The following MTURN variants were observed in gnomAD, a reference collection of about 807,000 sequenced individuals.
The protein encoded by MTURN is maturin, neural progenitor differentiation regulator homolog, also known as maturin.
A neutral mutation model predicts 14.9 loss-of-function variants in MTURN; 7 were observed. The observed-to-expected ratio is 0.47, with a 90% CI of 0.27 to 0.88. The LOEUF is 0.88. Ranked by LOEUF, MTURN falls within the 40% of genes least tolerant of loss-of-function variation. The probability of loss-of-function intolerance (pLI) is 0.14; values close to 1 mark genes in which losing one functional copy is unlikely to be tolerated. For missense variants in MTURN, 151 were observed against 174.1 expected (o/e 0.87, Z 0.75); for synonymous variants, 69 against 72.5 (o/e 0.95, Z 0.25).
At chr7:30,146,367 C>A in intron 2 of MTURN, 68 bp downstream of exon 2, 2 of 1,594,338 alleles carry the variant, frequency 1.3e-6, no homozygotes, top group Non-Finnish European at 1.7e-6. Flanking sequence ...ATAACAGGGG[C>A]GGTGGGGAAG....
chr7:30,139,437 T>G (rs1000484006), intron 1 of MTURN, among the ~76,000 whole-genome samples: 1 of 152,208 alleles, frequency 6.6e-6, no homozygotes, highest in African/African-American at 2.4e-5. Context: ...TATAGCCCTG[T>G]ATTTAATGCA....
At chr7:30,152,488 G>T (rs1238841661) in intron 2 of MTURN, among the ~76,000 whole-genome samples, 1 of 152,186 alleles carries the variant, frequency 6.6e-6, no homozygotes, top group Non-Finnish European at 1.5e-5. Flanking sequence ...GAGACCTGTT[G>T]AATCATCATC....
At chr7:30,139,275 C>T (rs949532047) in intron 1 of MTURN, among the ~76,000 whole-genome samples, 5 of 152,194 alleles carry the variant, frequency 3.3e-5, no homozygotes, top group South Asian at 2.1e-4. Flanking sequence ...ACGCTGCTCT[C>T]GGCACTTTAC....
intron 2 of MTURN, among the ~76,000 whole-genome samples, chr7:30,153,855 C>T (rs1248314046): frequency 6.6e-6 from 1 of 152,136 alleles, no homozygotes; most frequent in Non-Finnish European, 1.5e-5. Context: ...GTAGCTGGGA[C>T]TATAGGCACA....
intron 2 of MTURN, among the ~76,000 whole-genome samples, chr7:30,149,695 C>T (rs1270315398): frequency 1.3e-5 from 2 of 152,222 alleles, no homozygotes; most frequent in Non-Finnish European, 2.9e-5. Flanking sequence ...TTGTTGCTGT[C>T]ATCACAGTTG....
intron 2 of MTURN, among the ~76,000 whole-genome samples, chr7:30,156,065 C>T (rs553310606): frequency 1.3e-5 from 2 of 152,234 alleles, no homozygotes; most frequent in South Asian, 4.1e-4. Flanking sequence ...CATGAAGGCA[C>T]CAGGAGACAG....
chr7:30,156,312 A>G (rs775103451), intron 2 of MTURN, among the ~76,000 whole-genome samples: 1 of 151,766 alleles, frequency 6.6e-6, no homozygotes, highest in Admixed American at 6.6e-5. Context: ...CTTAAAAAAA[A>G]CCTTAAAATT....
chr7:30,146,899 T>C (rs1003431589), intron 2 of MTURN, among the ~76,000 whole-genome samples: 3 of 152,208 alleles, frequency 2.0e-5, no homozygotes, highest in Non-Finnish European at 4.4e-5. Flanking sequence ...AAATGAATGC[T>C]CACTTCTATT....
At chr7:30,151,102 G>T (rs1797204940) in intron 2 of MTURN, among the ~76,000 whole-genome samples, 1 of 152,188 alleles carries the variant, frequency 6.6e-6, no homozygotes, top group Non-Finnish European at 1.5e-5. Flanking sequence ...TCCCTCGAGT[G>T]ACCCACATTC....
At chr7:30,154,145 G>A (rs887494174) in intron 2 of MTURN, among the ~76,000 whole-genome samples, 1 of 152,172 alleles carries the variant, frequency 6.6e-6, no homozygotes, top group African/African-American at 2.4e-5. Context: ...AGCAGCAGGG[G>A]CTGGGCAGGA....
chr7:30,148,823 A>C (rs760067845), intron 2 of MTURN, among the ~76,000 whole-genome samples: 3 of 152,190 alleles, frequency 2.0e-5, no homozygotes, highest in Non-Finnish European at 2.9e-5. Flanking sequence ...AGTTTTGGAC[A>C]TGTCAGTGTT....
In MTURN at chr7:30,135,025, C is replaced by G. The variant is rs948152166; in HGVS notation, c.-112C>G. 1.0e-6 allele frequency: 1 copy of G among 961,262 alleles called. No homozygotes were observed. Among genetic ancestry groups the G allele is most frequent in the Non-Finnish European group, 1.3e-6 (1 of 783,644 alleles). 59.5% of individuals were successfully genotyped at this position (961,262 alleles called of 1,614,324 possible). A position where few individuals can be genotyped will look rare whatever the true frequency, so the allele number is the denominator to read the frequency against. On this transcript the variant is annotated 5_prime_UTR_variant, in exon 1 of 3. Transcript: ENST00000324453. Reference sequence around the variant, plus strand: ...GTAAACAGTCCCAGCCGGCCCAGCCCGGCCCCGGAGGAGCCCGCGCAGGCC... The same window carrying G: ...GTAAACAGTCCCAGCCGGCCCAGCCGGGCCCCGGAGGAGCCCGCGCAGGCC...
intron 1 of MTURN, among the ~76,000 whole-genome samples, chr7:30,143,204 C>T (rs146851762): frequency 1.3e-4 from 20 of 152,256 alleles, no homozygotes; most frequent in African/African-American, 3.4e-4. Flanking sequence ...GACACTACCT[C>T]GTGAGATTGA....
intron 2 of MTURN, among the ~76,000 whole-genome samples, chr7:30,156,110 G>C (rs1797283357): frequency 6.6e-6 from 1 of 152,170 alleles, no homozygotes; most frequent in South Asian, 2.1e-4. Flanking sequence ...CGACAGCTAG[G>C]GTTGTGGCTT....
intron 2 of MTURN, among the ~76,000 whole-genome samples, chr7:30,150,310 G>A (rs1034260742): frequency 1.3e-5 from 2 of 152,166 alleles, no homozygotes; most frequent in Non-Finnish European, 2.9e-5. Flanking sequence ...GATTATTGGT[G>A]GAGAGAGAAA....
intron 1 of MTURN, among the ~76,000 whole-genome samples, chr7:30,135,643 G>T (rs1796940783): frequency 6.6e-6 from 1 of 152,134 alleles, no homozygotes; most frequent in African/African-American, 2.4e-5. Flanking sequence ...GCCTGGCATG[G>T]AGCATCCCTG....
In MTURN at chr7:30,162,379, G is replaced by A. The variant is rs951616757; in HGVS notation, c.*4831G>A. 1 of 152,202 alleles carries A rather than the reference G, an allele frequency of 6.6e-6. No homozygotes were observed. The highest frequency in any genetic ancestry group is 6.6e-5 in the Admixed American group (1 of 15,254). 9.4% of individuals were successfully genotyped at this position (152,202 alleles called of 1,614,324 possible). The stretch of plus-strand genomic sequence containing the variant: ...GAGGAAGTAAATCTTCAATGCTAGG[G>A]CAGATCTTCACTATCCGTGATCCAG... On this transcript the variant is annotated 3_prime_UTR_variant, in exon 3 of 3. Coordinates refer to ENST00000324453, the MANE Select transcript of MTURN (RefSeq NM_152793.3).
At chr7:30,147,418 C>T (rs1583507034) in intron 2 of MTURN, among the ~76,000 whole-genome samples, 1 of 152,128 alleles carries the variant, frequency 6.6e-6, no homozygotes, top group South Asian at 2.1e-4. Flanking sequence ...TGATGGCTCC[C>T]GGGGGTGAGA....
intron 1 of MTURN, chr7:30,145,705 C>A: frequency 1.1e-6 from 1 of 933,586 alleles, no homozygotes; most frequent in Non-Finnish European, 1.5e-6. Context: ...ACCACGCCTA[C>A]TCACAGGCCG....
Sources: gnomAD v4.1 joint callset for allele counts (sites outside exome capture counted in the v4.1 genomes callset) on GRCh38, gnomAD v4.1.1 for gene constraint, MANE v1.5 for transcripts, NCBI Gene and HGNC (gene_info 2026-07-23, HGNC 2026-07-21) for gene names.